ADAMTS6: variants seen among roughly 807,000 people sequenced by gnomAD.
ADAMTS6 encodes the protein ADAM metallopeptidase with thrombospondin type 1 motif 6.
In ADAMTS6, 23 loss-of-function variants were observed where a neutral mutation model predicts 144.3. That is an observed-to-expected ratio of 0.16 (90% CI 0.11 to 0.23). The LOEUF is 0.23. Ranked by LOEUF, ADAMTS6 falls within the 10% of genes least tolerant of loss-of-function variation. ADAMTS6 has a pLI of 1.00. For missense variants in ADAMTS6, 999 were observed against 1,379.6 expected, an observed-to-expected ratio of 0.72 and a Z score of 4.37; for synonymous variants, 444 against 457.5, an observed-to-expected ratio of 0.97 and a Z score of 0.38.
rs117507539 is a variant in ADAMTS6 at position 65,216,244 on chromosome 5, T to C, written c.2273-757A>G. ...TGTGGTATTATAATGTAACAGAATGTTATGCAGCCATAACAAGTAATGAAG... is the reference window on the plus strand; with the variant it reads ...TGTGGTATTATAATGTAACAGAATGCTATGCAGCCATAACAAGTAATGAAG... On this transcript the variant is annotated intron_variant, in intron 18 of 24. Coordinates refer to ENST00000381055, the MANE Select transcript of ADAMTS6 (RefSeq NM_197941.4). 3.3e-3 allele frequency among the ~76,000 whole-genome samples: 498 copies of C among 152,280 alleles called. 11 individuals are homozygous for C. The East Asian group carries it at 0.074, about 23-fold the overall frequency.
At chr5:65,186,289 C>T (rs1467823355) in intron 22 of ADAMTS6, among the ~76,000 whole-genome samples, 4 of 152,162 alleles carry the variant, frequency 2.6e-5, no homozygotes, top group Non-Finnish European at 2.9e-5. Flanking sequence ...CTCTGAATTT[C>T]CATATTAATT....
chr5:65,255,194 C>T (rs991193525), intron 14 of ADAMTS6, among the ~76,000 whole-genome samples: 4 of 152,172 alleles, frequency 2.6e-5, no homozygotes, highest in African/African-American at 7.2e-5. Flanking sequence ...TAATCTCATT[C>T]CTTTTGTCAA....
At chr5:65,280,128 T>C (rs1762876257) in intron 11 of ADAMTS6, among the ~76,000 whole-genome samples, 1 of 152,162 alleles carries the variant, frequency 6.6e-6, no homozygotes, top group South Asian at 2.1e-4. Context: ...ATGGGAGCCA[T>C]TTTTTGCCTC....
rs1392261011 is a variant in ADAMTS6, at chr5:65,149,579, A to C, written c.*2257T>G. ...GCAGTGCCTGGGGGATGGCCCTCAC[A>C]ATGGTAGTTTCCAGGTGAGGTAAAA... On this transcript the variant is annotated 3_prime_UTR_variant, in exon 25 of 25. Transcript: ENST00000381055. 6.6e-6 allele frequency: 1 copy of C among 152,630 alleles called. No individual in the cohort carries two copies. Among genetic ancestry groups the C allele is most frequent in the Non-Finnish European group, 1.5e-5 (1 of 68,056 alleles). The allele number at this position is 152,630 out of a possible 1,614,324, so 9.5% of individuals were successfully genotyped here. A position where few individuals can be genotyped will look rare whatever the true frequency, so the allele number is the denominator to read the frequency against.
At chr5:65,459,434 C>T (rs893951872) in intron 4 of ADAMTS6, among the ~76,000 whole-genome samples, 1 of 152,140 alleles carries the variant, frequency 6.6e-6, no homozygotes, top group Non-Finnish European at 1.5e-5. Flanking sequence ...CTCTCACAAC[C>T]ACTTCCCCCA....
Position 65,313,128 on chromosome 5 carries a change from AACACACACACAC to A in ADAMTS6, c.1224-13009_1224-12998del, listed in dbSNP as rs61525269. ...ATTTCAGTAGTTTTATTATTTCTGCAACACACACACACACACACACACACACACACACACACA... is the reference window on the plus strand; with the variant it reads ...ATTTCAGTAGTTTTATTATTTCTGCAACACACACACACACACACACACACA... On this transcript the variant is annotated intron_variant, in intron 9 of 24. Transcript: ENST00000381055. 8.3e-3 allele frequency among the ~76,000 whole-genome samples: 1,134 copies of A among 135,840 alleles called. 17 individuals carry two copies. Among genetic ancestry groups the A allele is most frequent in the African/African-American group, 0.023 (890 of 38,160 alleles). The allele number at this position is 135,840 out of a possible 152,430, so 89.1% of individuals were successfully genotyped here.
chr5:65,235,424 G>A (rs1356001209), intron 15 of ADAMTS6, among the ~76,000 whole-genome samples: 1 of 152,144 alleles, frequency 6.6e-6, no homozygotes. Flanking sequence ...CAACTTGATT[G>A]GATTGAAGGA....
intron 7 of ADAMTS6, among the ~76,000 whole-genome samples, chr5:65,372,820 C>T (rs186380968): frequency 0.032 from 4,815 of 152,304 alleles, 125 homozygotes; most frequent in Middle Eastern, 0.051. Context: ...CTTAGCACCA[C>T]ACCACACCTA....
rs184473602 is a variant in ADAMTS6 at position 65,324,411 on chromosome 5, A to C, written c.1223+4967T>G. Among the ~76,000 whole-genome samples, 787 of 152,246 alleles carry C rather than the reference A, an allele frequency of 5.2e-3. 9 individuals are homozygous for C. The highest frequency in any genetic ancestry group is 0.018 in the African/African-American group (765 of 41,550). ...GGACACAAAAAGCAAACCACAGAAG[A>C]AAAATTTTAAGTTACACTTCATCAA... is the stretch of plus-strand genomic sequence containing the variant. On this transcript the variant is annotated intron_variant, in intron 9 of 24. Coordinates refer to ENST00000381055, the MANE Select transcript of ADAMTS6 (RefSeq NM_197941.4).
At chr5:65,281,132 T>C (rs1762959304) in intron 11 of ADAMTS6, among the ~76,000 whole-genome samples, 1 of 152,148 alleles carries the variant, frequency 6.6e-6, no homozygotes, top group African/African-American at 2.4e-5. Context: ...CTTTAGAAAA[T>C]GTGAGAAACT....
At chr5:65,468,436 C>CAAAAAA (rs60362335) in intron 3 of ADAMTS6, among the ~76,000 whole-genome samples, 1 of 70,364 alleles carries the variant, frequency 1.4e-5, no homozygotes. Context: ...GACCCTGTCT[C>CAAAAAA]AAAAAAAAAA....
chr5:65,421,248 T>A (rs1337221816), intron 7 of ADAMTS6, among the ~76,000 whole-genome samples: 1 of 152,222 alleles, frequency 6.6e-6, no homozygotes, highest in Admixed American at 6.5e-5. Flanking sequence ...GTATTTCTTA[T>A]ATGTCTGATC....
At chr5:65,378,456 T>A (rs1185206579) in intron 7 of ADAMTS6, among the ~76,000 whole-genome samples, 1 of 152,106 alleles carries the variant, frequency 6.6e-6, no homozygotes, top group Non-Finnish European at 1.5e-5. Context: ...CCTCTCTACT[T>A]CCAGGCTCTC....
At chr5:65,271,850 T>C (rs1173907011) in intron 12 of ADAMTS6, among the ~76,000 whole-genome samples, 1 of 152,220 alleles carries the variant, frequency 6.6e-6, no homozygotes, top group East Asian at 1.9e-4. Context: ...AAGAATGCAA[T>C]TCCTAATATT....
chr5:65,340,653 A>G (rs1393473261), intron 7 of ADAMTS6, among the ~76,000 whole-genome samples: 2 of 152,042 alleles, frequency 1.3e-5, no homozygotes, highest in Admixed American at 6.6e-5. Flanking sequence ...TTCCCCATTG[A>G]AAAGATATAA....
intron 13 of ADAMTS6, 47 bp downstream of exon 13, chr5:65,262,770 T>C: frequency 6.8e-7 from 1 of 1,467,558 alleles, no homozygotes; most frequent in South Asian, 1.5e-5. Flanking sequence ...TTTGAATCAT[T>C]TCCAACTGTG....
In ADAMTS6 at chr5:65,400,617, G is replaced by A. The variant is rs115486494; in HGVS notation, c.1073+50858C>T. On this transcript the variant is annotated intron_variant, in intron 7 of 24. Coordinates refer to ENST00000381055, the MANE Select transcript of ADAMTS6 (RefSeq NM_197941.4). Reference sequence around the variant, plus strand: ...CTGACATTAATTTAGATAAATTCTCGGTCATTATTGTTTCAAATATTTCCA... The same window carrying A: ...CTGACATTAATTTAGATAAATTCTCAGTCATTATTGTTTCAAATATTTCCA... Among the ~76,000 whole-genome samples, 895 of 152,144 alleles carry A rather than the reference G, an allele frequency of 5.9e-3. 13 individuals carry two copies. The highest frequency in any genetic ancestry group is 0.021 in the African/African-American group (859 of 41,524).
At chr5:65,194,147 A>G (rs369839124) in intron 21 of ADAMTS6, among the ~76,000 whole-genome samples, 7 of 152,142 alleles carry the variant, frequency 4.6e-5, no homozygotes, top group African/African-American at 1.4e-4. Context: ...TATGATTTCT[A>G]TCTCTATAAT....
At chr5:65,316,606 A>T (rs1745023703) in intron 9 of ADAMTS6, among the ~76,000 whole-genome samples, 1 of 152,182 alleles carries the variant, frequency 6.6e-6, no homozygotes, top group Non-Finnish European at 1.5e-5. Context: ...ATTCACTTTA[A>T]ATATAAAGAT....
Sources: allele counts gnomAD v4.1 joint callset (sites outside exome capture counted in the v4.1 genomes callset), GRCh38; gene constraint gnomAD v4.1.1; transcripts MANE v1.5; gene names NCBI Gene and HGNC (gene_info 2026-07-23, HGNC 2026-07-21).